The following SUN3 variants were observed in gnomAD, a reference collection of about 807,000 sequenced individuals.
SUN3 encodes Sad1 and UNC84 domain containing 3, also known as SUN domain-containing protein 3.
Under a neutral mutation model 48.2 loss-of-function variants are expected in SUN3, and 36 were observed. That is an observed-to-expected ratio of 0.75 (90% CI 0.57 to 0.99). The LOEUF (loss-of-function observed/expected upper bound fraction) is 0.99. Among genes scored for constraint, SUN3 ranks in the 50% least tolerant of loss-of-function variants. SUN3 has a pLI of 0.00. For missense variants in SUN3, 419 were observed against 433.1 expected (o/e 0.97, Z 0.29); for synonymous variants, 148 against 147.9 (o/e 1.00, Z 0.00).
At chr7:48,028,722 G>C in intron 1 of SUN3, 95 bp downstream of exon 1, 1 of 1,490,418 alleles carries the variant, frequency 6.7e-7, no homozygotes, top group Non-Finnish European at 9.1e-7. Context: ...AGAAAATACT[G>C]TCGGGTAACA....
rs1213099357 is a variant in SUN3 at position 47,987,299 on chromosome 7, A to T, written c.*31T>A. 6.3e-7 allele frequency: 1 copy of T among 1,598,928 alleles called. No homozygotes were observed. Among genetic ancestry groups the T allele is most frequent in the Non-Finnish European group, 8.5e-7 (1 of 1,173,272 alleles). ...GAATAAGCATTCTTGAATATTCTGGACATGTGGCATGGCCTTCTGTACCAA... is the reference window on the plus strand; with the variant it reads ...GAATAAGCATTCTTGAATATTCTGGTCATGTGGCATGGCCTTCTGTACCAA... On this transcript the variant is annotated 3_prime_UTR_variant, in exon 10 of 10. Transcript: ENST00000297325.
At chr7:47,988,013 C>T (rs996068089) in intron 9 of SUN3, among the ~76,000 whole-genome samples, 4 of 152,052 alleles carry the variant, frequency 2.6e-5, no homozygotes, top group East Asian at 1.9e-4. Context: ...CTGGCTGTGC[C>T]GAGGAGCAGG....
chr7:47,988,865 AT>A lies in SUN3; in HGVS notation c.876del (p.Lys292AsnfsTer9), dbSNP rs1392509769. On this transcript the variant is annotated frameshift_variant, in exon 9 of 10. Coordinates refer to ENST00000297325, the MANE Select transcript of SUN3 (RefSeq NM_001030019.2). LOFTEE classifies it high-confidence loss of function. The part of the protein sequence containing the change: ...KEFSVYGITK[K>X]CEGEEIFLGQ... ...CCTAGGAAAATTTCTTCTCCTTCAC[AT>A]TTTTTTGTGATGCCCTATAAAGAAA... The A allele has an allele frequency of 4.4e-6, 7 of 1,603,550 alleles. No individual in the cohort carries two copies. Among genetic ancestry groups the A allele is most frequent in the African/African-American group, 2.7e-5 (2 of 74,616 alleles).
intron 2 of SUN3, among the ~76,000 whole-genome samples, chr7:48,024,492 T>TA (rs138692431): frequency 0.089 from 13,434 of 151,188 alleles, 1,970 homozygotes; most frequent in African/African-American, 0.31. Context: ...GGCTGTAATT[T>TA]AAAAAAAAAG....
chr7:47,991,998 C>G (rs889418232), intron 8 of SUN3, among the ~76,000 whole-genome samples: 11 of 152,106 alleles, frequency 7.2e-5, no homozygotes, highest in African/African-American at 2.7e-4. Context: ...AAAGTGGTGA[C>G]CCCGCGGCCC....
At chr7:48,027,874 T>G (rs1405626081) in intron 1 of SUN3, among the ~76,000 whole-genome samples, 5 of 152,130 alleles carry the variant, frequency 3.3e-5, no homozygotes, top group Admixed American at 2.0e-4. Context: ...ATTAAAAAAG[T>G]TGTTCATAGG....
At chr7:48,007,742 G>T (rs1028279205) in intron 4 of SUN3, among the ~76,000 whole-genome samples, 4 of 152,206 alleles carry the variant, frequency 2.6e-5, no homozygotes, top group Non-Finnish European at 4.4e-5. Flanking sequence ...CTTGGGCAAG[G>T]GGTGCTGGTG....
chr7:48,003,068 A>C (rs139011495), intron 6 of SUN3, among the ~76,000 whole-genome samples: 1 of 151,534 alleles, frequency 6.6e-6, no homozygotes, highest in East Asian at 1.9e-4. Context: ...ATTTAAGTCT[A>C]TATTCCATTT....
intron 1 of SUN3, 51 bp downstream of exon 1, chr7:48,028,766 A>G (rs1361866445): frequency 1.3e-6 from 2 of 1,598,110 alleles, no homozygotes; most frequent in Admixed American, 1.7e-5. Flanking sequence ...TGACAGATGT[A>G]ACACATAAAA....
At chr7:48,025,805 G>C (rs1236951994) in intron 2 of SUN3, 72 bp downstream of exon 2, 2 of 1,045,842 alleles carry the variant, frequency 1.9e-6, no homozygotes, top group African/African-American at 3.2e-5. Context: ...GAGTCATTCC[G>C]TTGAGATCTC....
chr7:48,004,184 T>C (rs1789462765), intron 6 of SUN3, among the ~76,000 whole-genome samples: 1 of 152,204 alleles, frequency 6.6e-6, no homozygotes, highest in African/African-American at 2.4e-5. Context: ...CCAACATCTG[T>C]GTCATGACGG....
intron 8 of SUN3, among the ~76,000 whole-genome samples, chr7:47,993,184 T>C (rs1054569919): frequency 6.6e-6 from 1 of 152,210 alleles, no homozygotes; most frequent in Non-Finnish European, 1.5e-5. Context: ...AGCTGTTTTG[T>C]TCACATAGTC....
At chr7:48,028,782 A>C (rs1383170671) in intron 1 of SUN3, 35 bp downstream of exon 1, 1 of 1,606,204 alleles carries the variant, frequency 6.2e-7, no homozygotes, top group Admixed American at 1.7e-5. Context: ...TAAAACCTAC[A>C]ATTTCAGGCA....
chr7:48,005,834 T>C (rs998315023), intron 6 of SUN3, 135 bp downstream of exon 6: 13 of 526,534 alleles, frequency 2.5e-5, no homozygotes, highest in Non-Finnish European at 3.7e-5. Context: ...TTCTTTATTA[T>C]CTAAATTGAT....
chr7:48,006,891 A>C lies in SUN3; in HGVS notation c.492+274T>G, dbSNP rs577430055. On this transcript the variant is annotated intron_variant, in intron 5 of 9. Transcript: ENST00000297325. ...TTGTGTATAGAGCTCAGAGACTGTT[A>C]TTTCTTTCTTTCTTTCTTTCTTTTA... Among the ~76,000 whole-genome samples, 22 of 152,078 alleles carry C rather than the reference A, an allele frequency of 1.4e-4. No individual in the cohort carries two copies. The East Asian group carries it at 2.3e-3, about 16-fold the overall frequency.
chr7:48,005,416 T>C (rs1280912494), intron 6 of SUN3, among the ~76,000 whole-genome samples: 1 of 152,246 alleles, frequency 6.6e-6, no homozygotes, highest in Non-Finnish European at 1.5e-5. Context: ...CTATGTGTTT[T>C]ATATTTCCAT....
intron 8 of SUN3, among the ~76,000 whole-genome samples, chr7:47,990,331 C>T (rs184221947): frequency 2.0e-3 from 301 of 152,258 alleles, no homozygotes; most frequent in African/African-American, 7.0e-3. Context: ...ATCAAAAGCA[C>T]AGCACTTTTT....
upstream of SUN3, among the ~76,000 whole-genome samples, chr7:48,029,319 T>G (rs1000455494): frequency 7.9e-5 from 12 of 152,246 alleles, no homozygotes; most frequent in African/African-American, 2.9e-4. Flanking sequence ...AGTGCTTTTC[T>G]AATAAAGAAA....
chr7:48,032,368 C>T (rs1318327), upstream of SUN3, among the ~76,000 whole-genome samples: 70,679 of 152,020 alleles, frequency 0.46, 17,069 homozygotes, highest in African/African-American at 0.6. Context: ...TGTATAAAAC[C>T]AACATGTACA....
Sources: allele counts gnomAD v4.1 joint callset (sites outside exome capture counted in the v4.1 genomes callset), GRCh38; gene constraint gnomAD v4.1.1; transcripts MANE v1.5; gene names NCBI Gene and HGNC (gene_info 2026-07-23, HGNC 2026-07-21).